Variants in HECW2 observed in about 807,000 individuals in gnomAD.
HECW2 encodes the protein HECT, C2 and WW domain containing E3 ubiquitin protein ligase 2, also known as E3 ubiquitin-protein ligase HECW2.
A neutral mutation model predicts 175.2 loss-of-function variants in HECW2; 61 were observed. That is an observed-to-expected ratio of 0.35 (90% CI 0.28 to 0.43). The LOEUF (loss-of-function observed/expected upper bound fraction) is 0.43, where lower values mean the gene tolerates loss of function less well. HECW2 is among the 20% of genes least tolerant of loss of function. The pLI is 1.00. For synonymous variants in HECW2, 671 were observed against 731.0 expected (o/e 0.92, Z 1.32); for missense variants, 1,524 against 2,000.5 (o/e 0.76, Z 4.54).
chr2:196,335,564 G>A (rs1462784954), intron 3 of HECW2, among the ~76,000 whole-genome samples: 1 of 152,108 alleles, frequency 6.6e-6, no homozygotes, highest in African/African-American at 2.4e-5. Flanking sequence ...TGACTTTCTC[G>A]ACTGTACCAA....
chr2:196,589,789 C>A (rs1419314411), intron 1 of HECW2, among the ~76,000 whole-genome samples: 1 of 152,220 alleles, frequency 6.6e-6, no homozygotes, highest in Admixed American at 6.5e-5. Context: ...AAACTGCTCT[C>A]CCAAATCAAA....
At chr2:196,329,850 C>T (rs1692291814) in intron 4 of HECW2, among the ~76,000 whole-genome samples, 200 bp from the exon 5 acceptor site, 1 of 152,030 alleles carries the variant, frequency 6.6e-6, no homozygotes, top group South Asian at 2.1e-4. Flanking sequence ...ATCTTTACCA[C>T]AAATAAAAAA....
At chr2:196,453,097 C>A (rs909862865) in intron 1 of HECW2, among the ~76,000 whole-genome samples, 2 of 152,086 alleles carry the variant, frequency 1.3e-5, no homozygotes, top group Non-Finnish European at 2.9e-5. Context: ...ATTTGTTCTG[C>A]CTACAGAGAC....
At chr2:196,299,792 G>T (rs975793174) in intron 13 of HECW2, among the ~76,000 whole-genome samples, 1 of 152,206 alleles carries the variant, frequency 6.6e-6, no homozygotes, top group Middle Eastern at 3.4e-3. Flanking sequence ...AGCCGGGCGT[G>T]GTGGCGGGCA....
chr2:196,200,483 C>A lies in HECW2; in HGVS notation c.*794G>T, dbSNP rs1427606455. 6.6e-6 allele frequency: 1 copy of A among 152,530 alleles called. No homozygotes were observed. Among genetic ancestry groups the A allele is most frequent in the East Asian group, 1.9e-4 (1 of 5,196 alleles). 9.4% of individuals were successfully genotyped at this position (152,530 alleles called of 1,614,324 possible). ...AGGTTCTTATATACATCTTAAAGAA[C>A]ATAAACATAATGAACCTACAAAAAA... On this transcript the variant is annotated 3_prime_UTR_variant, in exon 29 of 29. Coordinates refer to ENST00000644978, the MANE Select transcript of HECW2 (RefSeq NM_001348768.2).
intron 1 of HECW2, among the ~76,000 whole-genome samples, chr2:196,499,775 A>T (rs1161013752): frequency 6.6e-6 from 1 of 152,208 alleles, no homozygotes; most frequent in Admixed American, 6.5e-5. Flanking sequence ...ACTATAAACT[A>T]AACATTGATG....
At chr2:196,418,824 C>A (rs1474428118) in intron 2 of HECW2, among the ~76,000 whole-genome samples, 1 of 152,058 alleles carries the variant, frequency 6.6e-6, no homozygotes, top group African/African-American at 2.4e-5. Flanking sequence ...TAACTATGAT[C>A]CTGAATATAG....
At chr2:196,246,288 G>A (rs1559461463) in intron 19 of HECW2, among the ~76,000 whole-genome samples, 1 of 152,198 alleles carries the variant, frequency 6.6e-6, no homozygotes, top group Non-Finnish European at 1.5e-5. Flanking sequence ...AGGGCAGAAC[G>A]CAGCTGTAAT....
chr2:196,234,757 C>T (rs1348721266), intron 21 of HECW2, among the ~76,000 whole-genome samples: 4 of 152,162 alleles, frequency 2.6e-5, no homozygotes, highest in African/African-American at 9.7e-5. Context: ...CCTAGAGAAG[C>T]AACTTCTTAG....
At chr2:196,502,521 G>T (rs550477351) in intron 1 of HECW2, among the ~76,000 whole-genome samples, 1 of 152,048 alleles carries the variant, frequency 6.6e-6, no homozygotes, top group African/African-American at 2.4e-5. Context: ...ACACATAATC[G>T]CACTCCAATG....
At chr2:196,247,006 T>C (rs1178809104) in intron 19 of HECW2, among the ~76,000 whole-genome samples, 1 of 152,166 alleles carries the variant, frequency 6.6e-6, no homozygotes, top group African/African-American at 2.4e-5. Context: ...CTCACGCCTG[T>C]AATCCCATCA....
At chr2:196,552,807 G>A (rs2125486484) in intron 1 of HECW2, among the ~76,000 whole-genome samples, 1 of 152,304 alleles carries the variant, frequency 6.6e-6, no homozygotes, top group East Asian at 1.9e-4. Context: ...GGCAGTGAGA[G>A]GGTGAATCTT....
chr2:196,268,930 T>C (rs1047588102), intron 17 of HECW2, among the ~76,000 whole-genome samples: 22 of 152,330 alleles, frequency 1.4e-4, no homozygotes, highest in Admixed American at 5.9e-4. Flanking sequence ...CAAGATTCTC[T>C]AGGGGAACGT....
intron 21 of HECW2, among the ~76,000 whole-genome samples, chr2:196,234,357 A>T (rs1395077983): frequency 1.3e-5 from 2 of 151,708 alleles, no homozygotes; most frequent in East Asian, 3.9e-4. Context: ...GCACAATCGT[A>T]GCTCACTGTA....
intron 22 of HECW2, among the ~76,000 whole-genome samples, chr2:196,227,621 G>C (rs1020503491): frequency 1.3e-5 from 2 of 152,094 alleles, no homozygotes; most frequent in Admixed American, 1.3e-4. Context: ...CATTACCAGA[G>C]TTGAGAGTCA....
chr2:196,359,591 A>T (rs1361573072), intron 2 of HECW2, among the ~76,000 whole-genome samples: 1 of 152,240 alleles, frequency 6.6e-6, no homozygotes, highest in Non-Finnish European at 1.5e-5. Context: ...TAAGGCTGAA[A>T]ATTCAGAGAA....
chr2:196,536,562 T>TA (rs1175410692), intron 1 of HECW2, among the ~76,000 whole-genome samples: 1 of 152,180 alleles, frequency 6.6e-6, no homozygotes, highest in African/African-American at 2.4e-5. Flanking sequence ...GAAGCAATTT[T>TA]AAAAAACTTT....
intron 28 of HECW2, among the ~76,000 whole-genome samples, chr2:196,207,180 TGAAA>T (rs1687100359): frequency 6.6e-6 from 1 of 152,010 alleles, no homozygotes; most frequent in African/African-American, 2.4e-5. Context: ...ATTTCATGGA[TGAAA>T]GAAAGAAAAG....
intron 2 of HECW2, among the ~76,000 whole-genome samples, chr2:196,414,924 T>C (rs905457736): frequency 6.6e-6 from 1 of 152,166 alleles, no homozygotes; most frequent in Admixed American, 6.5e-5. Flanking sequence ...ACAGCACTCA[T>C]GAAGCTCTTA....
Sources: gnomAD v4.1 joint callset for allele counts (sites outside exome capture counted in the v4.1 genomes callset) on GRCh38, gnomAD v4.1.1 for gene constraint, MANE v1.5 for transcripts, NCBI Gene and HGNC (gene_info 2026-07-23, HGNC 2026-07-21) for gene names.